The following KCNIP1 variants were observed in gnomAD, a reference collection of about 807,000 sequenced individuals.
KCNIP1 encodes A-type potassium channel modulatory protein KCNIP1.
In KCNIP1, 18 loss-of-function variants were observed where a neutral mutation model predicts 33.0. The observed-to-expected ratio is 0.55, with a 90% CI of 0.38 to 0.81. KCNIP1 has a LOEUF of 0.81. Among genes scored for constraint, KCNIP1 ranks in the 30% least tolerant of loss-of-function variants. The pLI, the probability that KCNIP1 is intolerant of heterozygous loss-of-function variation, is 0.00. For synonymous variants in KCNIP1, 93 were observed against 98.3 expected (o/e 0.95, Z 0.32); for missense variants, 238 against 271.6 (o/e 0.88, Z 0.87).
chr5:170,490,747 G>A (rs1291277398), intron 1 of KCNIP1, among the ~76,000 whole-genome samples: 3 of 152,124 alleles, frequency 2.0e-5, no homozygotes, highest in African/African-American at 7.2e-5. Flanking sequence ...GAGCACCACA[G>A]GCCCGCTGTA....
intron 1 of KCNIP1, among the ~76,000 whole-genome samples, chr5:170,659,083 G>C (rs1450785953): frequency 6.6e-6 from 1 of 152,168 alleles, no homozygotes; most frequent in African/African-American, 2.4e-5. Flanking sequence ...AGTCCTGACT[G>C]CTCAAGGACC....
intron 1 of KCNIP1, among the ~76,000 whole-genome samples, chr5:170,649,799 AG>A (rs1427186918): frequency 6.6e-6 from 1 of 152,212 alleles, no homozygotes. Context: ...AGAAATAGGA[AG>A]TGAGGCAGGA....
Position 170,390,517 on chromosome 5 carries a change from A to ATATATATATATATATATATATATAT in KCNIP1, c.88+36553_88+36554insTATATATATATATATATATATATAT, listed in dbSNP as rs1554088941. Among the ~76,000 whole-genome samples the ATATATATATATATATATATATATAT allele has an allele frequency of 3.2e-4, 24 of 74,482 alleles. 2 individuals carry two copies. The highest frequency in any genetic ancestry group is 1.1e-3 in the African/African-American group (17 of 15,592). 48.9% of individuals were successfully genotyped at this position (74,482 alleles called of 152,430 possible). A position where few individuals can be genotyped will look rare whatever the true frequency, so the allele number is the denominator to read the frequency against. On this transcript the variant is annotated intron_variant, in intron 1 of 7. Transcript: ENST00000377360. ...GACCCCGTCTCAAAAAAAAAAAACA[A>ATATATATATATATATATATATATAT]ATATATATATATATATATATATTTT...
rs62392747 is a variant in KCNIP1 at position 170,397,327 on chromosome 5, G to T, written c.88+43363G>T. Among the ~76,000 whole-genome samples the T allele has an allele frequency of 6.7e-3, 1,023 of 152,320 alleles. 4 individuals carry two copies. Among genetic ancestry groups the T allele is most frequent in the Non-Finnish European group, 0.011 (723 of 68,030 alleles). Reference sequence around the variant, plus strand: ...AATCCAACTGGTAGACAGACAAAGAGCTTGTTGCTGCAGTCCCCAGTGATC... The same window carrying T: ...AATCCAACTGGTAGACAGACAAAGATCTTGTTGCTGCAGTCCCCAGTGATC... On this transcript the variant is annotated intron_variant, in intron 1 of 7. Coordinates refer to the KCNIP1 transcript ENST00000377360.
intron 1 of KCNIP1, among the ~76,000 whole-genome samples, chr5:170,640,669 C>T (rs1345680069): frequency 2.0e-5 from 3 of 152,222 alleles, no homozygotes; most frequent in African/African-American, 7.2e-5. Context: ...GGTGGACAAG[C>T]CATGTTTACT....
intron 1 of KCNIP1, among the ~76,000 whole-genome samples, chr5:170,715,645 C>T (rs536155644): frequency 2.0e-5 from 3 of 152,168 alleles, no homozygotes; most frequent in African/African-American, 4.8e-5. Flanking sequence ...TCCCTTCACA[C>T]GTAAGGTTAT....
Position 170,735,867 on chromosome 5 carries a change from C to A in KCNIP1, c.*61C>A. The A allele has an allele frequency of 1.4e-6, 2 of 1,387,540 alleles. No homozygotes were observed. Among genetic ancestry groups the A allele is most frequent in the Non-Finnish European group, 2.0e-6 (2 of 975,712 alleles). 86.0% of individuals were successfully genotyped at this position (1,387,540 alleles called of 1,614,324 possible). A position where few individuals can be genotyped will look rare whatever the true frequency, so the allele number is the denominator to read the frequency against. ...TGTACTAAACAACCACCTTAACACC[C>A]TGATCTGCCCTTGTTCTGATTTTAC... On this transcript the variant is annotated 3_prime_UTR_variant, in exon 8 of 8. Transcript: ENST00000328939.
At chr5:170,675,377 T>C (rs1762092166) in intron 1 of KCNIP1, among the ~76,000 whole-genome samples, 1 of 152,110 alleles carries the variant, frequency 6.6e-6, no homozygotes, top group African/African-American at 2.4e-5. Flanking sequence ...CCTGGCACTT[T>C]GGGAGGCCAA....
intron 1 of KCNIP1, among the ~76,000 whole-genome samples, chr5:170,567,549 G>A (rs1252710487): frequency 1.3e-5 from 2 of 152,190 alleles, no homozygotes; most frequent in Admixed American, 6.5e-5. Context: ...GAGCTCAGAC[G>A]GGCTGGGCTC....
intron 1 of KCNIP1, among the ~76,000 whole-genome samples, chr5:170,619,036 G>A (rs552523145): frequency 1.3e-5 from 2 of 151,996 alleles, no homozygotes; most frequent in South Asian, 4.2e-4. Context: ...TGTATCCTCA[G>A]TGCCTAGCAC....
intron 1 of KCNIP1, among the ~76,000 whole-genome samples, chr5:170,669,967 A>G (rs1378051704): frequency 1.3e-5 from 2 of 152,240 alleles, no homozygotes; most frequent in Admixed American, 1.3e-4. Flanking sequence ...CAAAAGTTTA[A>G]AATAATGGAC....
intron 1 of KCNIP1, among the ~76,000 whole-genome samples, chr5:170,515,464 A>G (rs1414367213): frequency 6.6e-6 from 1 of 152,216 alleles, no homozygotes; most frequent in African/African-American, 2.4e-5. Flanking sequence ...CTGGAAAATT[A>G]GAGTTATGTT....
At chr5:170,716,409 A>G (rs1433532421) in intron 1 of KCNIP1, among the ~76,000 whole-genome samples, 1 of 152,238 alleles carries the variant, frequency 6.6e-6, no homozygotes, top group Non-Finnish European at 1.5e-5. Flanking sequence ...AAGAAGAAAC[A>G]AAGAGAGGGC....
At chr5:170,528,393 G>A (rs970387396) in intron 1 of KCNIP1, among the ~76,000 whole-genome samples, 2 of 152,196 alleles carry the variant, frequency 1.3e-5, no homozygotes, top group Non-Finnish European at 2.9e-5. Context: ...CCAGACTTCA[G>A]TTCTGCTGTG....
intron 1 of KCNIP1, among the ~76,000 whole-genome samples, chr5:170,442,189 A>G (rs1267109387): frequency 6.6e-6 from 1 of 152,038 alleles, no homozygotes; most frequent in Non-Finnish European, 1.5e-5. Context: ...ATGAGCTCTG[A>G]GGCCCTTGAG....
chr5:170,411,290 A>G (rs314167), intron 1 of KCNIP1, among the ~76,000 whole-genome samples: 111,219 of 152,204 alleles, frequency 0.73, 41,285 homozygotes, highest in African/African-American at 0.87. Flanking sequence ...TTTTACAGAT[A>G]AGGAAGCTGA....
chr5:170,710,582 A>C (rs1224452734), intron 1 of KCNIP1, among the ~76,000 whole-genome samples: 1 of 152,236 alleles, frequency 6.6e-6, no homozygotes, highest in Admixed American at 6.5e-5. Context: ...TCAGCTTCAG[A>C]AAGGTAATAG....
chr5:170,675,511 C>T (rs924694780), intron 1 of KCNIP1, among the ~76,000 whole-genome samples: 4 of 152,088 alleles, frequency 2.6e-5, no homozygotes, highest in African/African-American at 9.7e-5. Flanking sequence ...GTCCCAGCTA[C>T]TCAGGAGGCT....
intron 1 of KCNIP1, chr5:170,378,667 T>A: frequency 6.4e-7 from 1 of 1,565,764 alleles, no homozygotes; most frequent in South Asian, 1.2e-5. Flanking sequence ...GCCAGTCCCC[T>A]GTGCCCTGAC....
Sources: gnomAD v4.1 joint callset for allele counts (sites outside exome capture counted in the v4.1 genomes callset) on GRCh38, gnomAD v4.1.1 for gene constraint, MANE v1.5 for transcripts, NCBI Gene and HGNC (gene_info 2026-07-23, HGNC 2026-07-21) for gene names.